The following CTNND2 variants were observed in gnomAD, a reference collection of about 807,000 sequenced individuals.
CTNND2 encodes the protein catenin delta-2.
A neutral mutation model predicts 144.4 loss-of-function variants in CTNND2; 22 were observed. The observed-to-expected ratio is 0.15, with a 90% CI of 0.11 to 0.22. The LOEUF is 0.22. CTNND2 is among the 10% of genes least tolerant of loss of function. The pLI is 1.00. For synonymous variants in CTNND2, 751 were observed against 695.6 expected, an observed-to-expected ratio of 1.08 and a Z score of -1.25; for missense variants, 1,353 against 1,618.8, an observed-to-expected ratio of 0.84 and a Z score of 2.82.
At chr5:11,147,504 C>A (rs569698671) in intron 12 of CTNND2, among the ~76,000 whole-genome samples, 5 of 152,132 alleles carry the variant, frequency 3.3e-5, no homozygotes, top group Non-Finnish European at 7.4e-5. Flanking sequence ...AGGCTGGAGA[C>A]TTGCAGGCCC....
chr5:11,046,565 G>A (rs985622220), intron 16 of CTNND2, among the ~76,000 whole-genome samples: 6 of 152,130 alleles, frequency 3.9e-5, no homozygotes, highest in African/African-American at 1.4e-4. Context: ...CTACTTTGAA[G>A]AAGAGACCAC....
At chr5:11,558,160 C>T (rs1311266998) in intron 3 of CTNND2, among the ~76,000 whole-genome samples, 2 of 152,092 alleles carry the variant, frequency 1.3e-5, no homozygotes, top group East Asian at 1.9e-4. Context: ...TGGAAATTTT[C>T]AGTCATCATT....
At chr5:11,203,189 CTATTT>C (rs1737664186) in intron 10 of CTNND2, among the ~76,000 whole-genome samples, 1 of 152,196 alleles carries the variant, frequency 6.6e-6, no homozygotes, top group Non-Finnish European at 1.5e-5. Context: ...CCAAACAAAC[CTATTT>C]TAAACACTTA....
intron 16 of CTNND2, among the ~76,000 whole-genome samples, chr5:11,053,023 A>G (rs939559177): frequency 3.3e-5 from 5 of 152,180 alleles, no homozygotes; most frequent in Non-Finnish European, 5.9e-5. Context: ...CAGTCTCTTA[A>G]AGATATGACT....
At chr5:11,497,521 G>C (rs1361582373) in intron 3 of CTNND2, among the ~76,000 whole-genome samples, 5 of 86,676 alleles carry the variant, frequency 5.8e-5, no homozygotes, top group African/African-American at 8.4e-5. Context: ...CGGGGGGGTG[G>C]GGGGGGGCAA....
chr5:11,309,541 GAAGT>G (rs1246330643), intron 9 of CTNND2, among the ~76,000 whole-genome samples: 2 of 152,210 alleles, frequency 1.3e-5, no homozygotes, highest in Admixed American at 1.3e-4. Flanking sequence ...CTGGATCTTG[GAAGT>G]AACTAACTTG....
At chr5:11,174,681 C>T (rs117723278) in intron 11 of CTNND2, among the ~76,000 whole-genome samples, 1 of 152,060 alleles carries the variant, frequency 6.6e-6, no homozygotes, top group Non-Finnish European at 1.5e-5. Context: ...CATTATGGCA[C>T]GTATTCAGTG....
chr5:11,432,559 T>C (rs1046590909), intron 3 of CTNND2, among the ~76,000 whole-genome samples: 1 of 152,198 alleles, frequency 6.6e-6, no homozygotes, highest in African/African-American at 2.4e-5. Flanking sequence ...GCCTGTGAAA[T>C]ATTTCTTTTA....
chr5:11,242,762 G>A (rs975548528), intron 9 of CTNND2, among the ~76,000 whole-genome samples: 2 of 152,210 alleles, frequency 1.3e-5, no homozygotes, highest in Non-Finnish European at 2.9e-5. Context: ...ATGAGCACAG[G>A]ATTTGGCATC....
chr5:11,770,755 G>C (rs1039311903), intron 1 of CTNND2, among the ~76,000 whole-genome samples: 1 of 152,122 alleles, frequency 6.6e-6, no homozygotes, highest in Non-Finnish European at 1.5e-5. Context: ...ATGATGCAAA[G>C]TTTGAGAACA....
chr5:11,141,617 G>A (rs1227380052), intron 12 of CTNND2, among the ~76,000 whole-genome samples: 69 of 152,172 alleles, frequency 4.5e-4, no homozygotes. Context: ...AGCCGTGCAA[G>A]CTGGCAAAGG....
chr5:11,856,032 G>T (rs775933543), intron 1 of CTNND2, among the ~76,000 whole-genome samples: 1 of 152,160 alleles, frequency 6.6e-6, no homozygotes, highest in Non-Finnish European at 1.5e-5. Flanking sequence ...AGAAATTGTG[G>T]TTAGTTTGGC....
intron 15 of CTNND2, among the ~76,000 whole-genome samples, chr5:11,089,554 T>C (rs982743824): frequency 6.6e-6 from 1 of 152,202 alleles, no homozygotes; most frequent in Non-Finnish European, 1.5e-5. Context: ...AACTGTTTAA[T>C]TGATGAAAAA....
intron 10 of CTNND2, among the ~76,000 whole-genome samples, chr5:11,209,689 G>A (rs896905178): frequency 6.6e-6 from 1 of 152,184 alleles, no homozygotes; most frequent in Non-Finnish European, 1.5e-5. Flanking sequence ...TACAGAGGCC[G>A]AGGTGGGCAG....
chr5:11,379,376 G>A (rs1327832359), intron 7 of CTNND2, among the ~76,000 whole-genome samples: 1 of 152,128 alleles, frequency 6.6e-6, no homozygotes, highest in Non-Finnish European at 1.5e-5. Context: ...AGATTCTGGG[G>A]TCAAAGCGAC....
chr5:11,490,771 C>G (rs1769310908), intron 3 of CTNND2, among the ~76,000 whole-genome samples: 1 of 152,114 alleles, frequency 6.6e-6, no homozygotes, highest in African/African-American at 2.4e-5. Context: ...CTTCAATAAT[C>G]TATAGTACAC....
At chr5:11,090,856 G>A (rs566113088) in intron 15 of CTNND2, among the ~76,000 whole-genome samples, 13 of 151,640 alleles carry the variant, frequency 8.6e-5, no homozygotes, top group Admixed American at 2.0e-4. Context: ...TCTCACTGGC[G>A]TTGTTGCTGA....
At chr5:11,436,833 A>G (rs10063027) in intron 3 of CTNND2, among the ~76,000 whole-genome samples, 2,511 of 152,330 alleles carry the variant, frequency 0.016, 81 homozygotes, top group African/African-American at 0.057. Flanking sequence ...ATGAAAATGA[A>G]ATAACTACAG....
chr5:11,597,862 T>G (rs73054080), intron 2 of CTNND2, among the ~76,000 whole-genome samples: 10,703 of 152,214 alleles, frequency 0.07, 809 homozygotes, highest in African/African-American at 0.18. Context: ...AAGCCTGGCT[T>G]GGAATAGTCT....
Sources: gnomAD v4.1 joint callset for allele counts (sites outside exome capture counted in the v4.1 genomes callset) on GRCh38, gnomAD v4.1.1 for gene constraint, MANE v1.5 for transcripts, NCBI Gene and HGNC (gene_info 2026-07-23, HGNC 2026-07-21) for gene names.